POU2F2: variants seen among roughly 807,000 people sequenced by gnomAD.
POU2F2 encodes POU domain, class 2, transcription factor 2.
In POU2F2, 14 loss-of-function variants were observed where a neutral mutation model predicts 63.5. The observed-to-expected ratio is 0.22, with a 90% CI of 0.15 to 0.34. POU2F2 has a LOEUF of 0.34. Among genes scored for constraint, POU2F2 ranks in the 10% least tolerant of loss-of-function variants. The pLI is 1.00. For missense variants in POU2F2, 607 were observed against 815.2 expected (o/e 0.74, Z 3.11); for synonymous variants, 306 against 348.6 (o/e 0.88, Z 1.36).
intron 2 of POU2F2, among the ~76,000 whole-genome samples, chr19:42,149,727 G>C (rs2034303707): frequency 6.6e-6 from 1 of 151,042 alleles, no homozygotes; most frequent in African/African-American, 2.4e-5. Flanking sequence ...AGGGGGAAGA[G>C]CAAGCAGAGG....
At chr19:42,178,739 G>T (rs532915865), upstream of POU2F2, among the ~76,000 whole-genome samples, 5 of 152,242 alleles carry the variant, frequency 3.3e-5, no homozygotes, top group Admixed American at 2.0e-4. Flanking sequence ...TATACATAGG[G>T]ATTCTGAGAG....
At chr19:42,159,161 CA>C (rs1437882220) in intron 2 of POU2F2, among the ~76,000 whole-genome samples, 1 of 152,132 alleles carries the variant, frequency 6.6e-6, no homozygotes, top group East Asian at 1.9e-4. Flanking sequence ...GCAAGTTTTG[CA>C]TTAGTTGCCA....
chr19:42,165,215 G>A (rs915215772), intron 1 of POU2F2, among the ~76,000 whole-genome samples: 1 of 152,180 alleles, frequency 6.6e-6, no homozygotes, highest in African/African-American at 2.4e-5. Context: ...TCCAAACCCA[G>A]CAGAGTTCAG....
chr19:42,121,970 C>G, intron 4 of POU2F2, 156 bp downstream of exon 4: 1 of 773,402 alleles, frequency 1.3e-6, no homozygotes, highest in Non-Finnish European at 2.2e-6. Context: ...AGTCACAGGC[C>G]TGGGGTGGGA....
Position 42,162,569 on chromosome 19 carries a change from A to G in POU2F2, c.-69-2177T>C, listed in dbSNP as rs946299749. ...CTACATTTCCTGCAGCTGTGCACAT[A>G]AAGGGTAGATTCCAGTGTTCACAGA... On this transcript the variant is annotated intron_variant, in intron 1 of 6. Transcript: ENST00000524801. This position sits in a 1 kb window ranked among gnomAD's most constrained non-coding sequence, Gnocchi z 4.1. 4.6e-5 allele frequency among the ~76,000 whole-genome samples: 7 copies of G among 152,162 alleles called. No homozygotes were observed. The highest frequency in any genetic ancestry group is 1.0e-4 in the Non-Finnish European group (7 of 68,024).
rs1207455172 is a variant in POU2F2, at chr19:42,089,316, A to T, written c.*1941T>A. 1 of 152,650 alleles carries T rather than the reference A, an allele frequency of 6.6e-6. No individual in the cohort carries two copies. Among genetic ancestry groups the T allele is most frequent in the Non-Finnish European group, 1.5e-5 (1 of 68,046 alleles). The allele number at this position is 152,650 out of a possible 1,614,324, so 9.5% of individuals were successfully genotyped here. ...AGAGAGGTCAGACAAAAGAGAACCG[A>T]AAAAGAAATCAAAGGAGGAATCAAA... On this transcript the variant is annotated 3_prime_UTR_variant, in exon 15 of 15. Transcript: ENST00000692977.
At chr19:42,157,776 G>A (rs528038701) in intron 2 of POU2F2, among the ~76,000 whole-genome samples, 41 of 152,342 alleles carry the variant, frequency 2.7e-4, no homozygotes, top group Non-Finnish European at 4.7e-4. Context: ...TAGATGGGGA[G>A]CTGAGGAGGT....
At chr19:42,100,085 CTTTTTTTTTTTTT>C (rs948283094) in intron 5 of POU2F2, among the ~76,000 whole-genome samples, 7 of 77,080 alleles carry the variant, frequency 9.1e-5, no homozygotes, top group Admixed American at 3.0e-4. Context: ...CCCTTTCTTT[CTTTTTTTTTTTTT>C]TTTTTTTTTT....
chr19:42,193,212 C>T (rs1323628500), intron 1 of POU2F2, among the ~76,000 whole-genome samples: 49 of 131,738 alleles, frequency 3.7e-4, no homozygotes, highest in African/African-American at 1.3e-3. Flanking sequence ...AACGAGACTC[C>T]GTCTCAAAAA....
chr19:42,114,426 G>C (rs1361495514), intron 5 of POU2F2, among the ~76,000 whole-genome samples: 3 of 152,148 alleles, frequency 2.0e-5, no homozygotes, highest in African/African-American at 7.2e-5. Flanking sequence ...TAAAGGAAGG[G>C]AGCAGACTTC....
intron 5 of POU2F2, among the ~76,000 whole-genome samples, chr19:42,109,199 G>A (rs566297276): frequency 9.9e-5 from 15 of 152,192 alleles, no homozygotes; most frequent in South Asian, 2.1e-4. Flanking sequence ...AGAGCCGGCC[G>A]GCTGCAACGG....
chr19:42,150,331 C>G (rs1319986270), intron 2 of POU2F2, among the ~76,000 whole-genome samples: 1 of 148,842 alleles, frequency 6.7e-6, no homozygotes, highest in Admixed American at 6.7e-5. Flanking sequence ...TGTGCGGGCA[C>G]TGCGGCTGAC....
chr19:42,173,768 A>T (rs984037614), intron 1 of POU2F2, among the ~76,000 whole-genome samples: 8 of 151,930 alleles, frequency 5.3e-5, no homozygotes, highest in Admixed American at 5.2e-4. Flanking sequence ...CAAAGATGAC[A>T]CTGCAACCTG....
chr19:42,137,430 G>C (rs1243361049), upstream of POU2F2, among the ~76,000 whole-genome samples: 3 of 152,104 alleles, frequency 2.0e-5, no homozygotes, highest in Non-Finnish European at 4.4e-5. Context: ...TCAAGAATAG[G>C]TAGAGGAGGG....
chr19:42,102,338 C>T (rs1000350044), intron 5 of POU2F2, among the ~76,000 whole-genome samples: 1 of 152,116 alleles, frequency 6.6e-6, no homozygotes, highest in African/African-American at 2.4e-5. Context: ...AAAGGGACAC[C>T]AGGGGGCTTC....
intron 1 of POU2F2, among the ~76,000 whole-genome samples, chr19:42,195,748 T>C (rs1465138338): frequency 7.3e-6 from 1 of 136,990 alleles, no homozygotes; most frequent in East Asian, 2.6e-4. Context: ...CTTCCTCCCT[T>C]TCTGCCTTTC....
chr19:42,150,330 A>T (rs2146770263), intron 2 of POU2F2, among the ~76,000 whole-genome samples: 1 of 150,212 alleles, frequency 6.7e-6, no homozygotes, highest in East Asian at 2.0e-4. Flanking sequence ...ATGTGCGGGC[A>T]CTGCGGCTGA....
chr19:42,091,912 G>A lies in POU2F2; in HGVS notation c.1495C>T (p.Leu499=). The A allele has an allele frequency of 6.5e-7, 1 of 1,540,726 alleles. No individual in the cohort carries two copies. The highest frequency in any genetic ancestry group is 8.7e-7 in the Non-Finnish European group (1 of 1,146,678). ...GSTMVGLSSG[L]SPALMSNNPL... Reference sequence around the variant, plus strand: ...TTGTTGCTCATGAGGGCTGGACTCAGCCCGGAGCTCAACCCCACCATTGTG... The same window carrying A: ...TTGTTGCTCATGAGGGCTGGACTCAACCCGGAGCTCAACCCCACCATTGTG... Residue 499 remains leucine, a synonymous_variant, in exon 14 of 15, where the codon CTG becomes TTG. Coordinates refer to ENST00000692977, the MANE Select transcript of POU2F2 (RefSeq NM_001394376.1).
rs1158385347 is a variant in POU2F2 at position 42,139,157 on chromosome 19, G to GA, written c.-8-16582dup. Among the ~76,000 whole-genome samples, 20 of 152,054 alleles carry GA rather than the reference G, an allele frequency of 1.3e-4. No individual in the cohort carries two copies. In the South Asian group the frequency reaches 2.3e-3, roughly 17 times the overall value. On this transcript the variant is annotated intron_variant, in intron 2 of 6. Coordinates refer to the POU2F2 transcript ENST00000524801. ...CATACAATAAAACCCCATCTCTACT[G>GA]AAAAATACAAAAATTAGCTGGGCAT... is the stretch of plus-strand genomic sequence containing the variant.
Sources: allele counts gnomAD v4.1 joint callset (sites outside exome capture counted in the v4.1 genomes callset), GRCh38; gene constraint gnomAD v4.1.1; non-coding constraint Gnocchi (gnomAD v3.1); transcripts MANE v1.5; gene names NCBI Gene and HGNC (gene_info 2026-07-23, HGNC 2026-07-21).